MOB1B: variants seen among roughly 807,000 people sequenced by gnomAD.
The protein encoded by MOB1B is MOB kinase activator 1B, also known as MOB1 Mps One Binder homolog B.
In MOB1B, 19 loss-of-function variants were observed where a neutral mutation model predicts 24.4. That is an observed-to-expected ratio of 0.78 (90% CI 0.54 to 1.14). The LOEUF (loss-of-function observed/expected upper bound fraction) is 1.14. Among genes scored for constraint, MOB1B ranks in the 50% most tolerant of loss-of-function variants. The pLI is 0.00. For missense variants in MOB1B, 243 were observed against 259.6 expected, an observed-to-expected ratio of 0.94 and a Z score of 0.44; for synonymous variants, 76 against 82.1, an observed-to-expected ratio of 0.93 and a Z score of 0.40.
intron 1 of MOB1B, among the ~76,000 whole-genome samples, chr4:70,957,910 CTTAAAAACTA>C (rs1454102007): frequency 6.6e-6 from 1 of 151,868 alleles, no homozygotes; most frequent in African/African-American, 2.4e-5. Flanking sequence ...GCCCAGCTCT[CTTAAAAACTA>C]TTAAAACCAC....
chr4:70,948,512 T>C (rs1485352344), intron 1 of MOB1B, among the ~76,000 whole-genome samples: 10 of 152,232 alleles, frequency 6.6e-5, no homozygotes, highest in Admixed American at 2.6e-4. Flanking sequence ...GAACTTCAGC[T>C]TCTCCATCCT....
chr4:70,917,137 C>T (rs566093225), intron 1 of MOB1B, among the ~76,000 whole-genome samples: 1 of 152,278 alleles, frequency 6.6e-6, no homozygotes, highest in Admixed American at 6.5e-5. Context: ...GGCCTCCTGG[C>T]AGTGTTCTCT....
At chr4:70,918,091 C>T (rs193296972) in intron 1 of MOB1B, among the ~76,000 whole-genome samples, 1 of 152,234 alleles carries the variant, frequency 6.6e-6, no homozygotes, top group African/African-American at 2.4e-5. Context: ...GAAGATTGAA[C>T]ATAATTTTGG....
At chr4:70,939,009 A>G (rs1737216178) in intron 1 of MOB1B, among the ~76,000 whole-genome samples, 1 of 152,176 alleles carries the variant, frequency 6.6e-6, no homozygotes, top group African/African-American at 2.4e-5. Context: ...ATTTGGATTC[A>G]TCTGTTTTCT....
chr4:70,957,473 G>A (rs1578387356), intron 1 of MOB1B, among the ~76,000 whole-genome samples: 1 of 147,980 alleles, frequency 6.8e-6, no homozygotes. Context: ...TCATTCTGTT[G>A]CCCAGGCTGG....
chr4:70,946,053 A>C (rs1007728385), intron 1 of MOB1B, among the ~76,000 whole-genome samples: 2 of 150,504 alleles, frequency 1.3e-5, no homozygotes, highest in Non-Finnish European at 3.0e-5. Context: ...TTTGCAGGCA[A>C]ATGCTTTGGC....
At chr4:70,974,430 A>G (rs1352646770) in intron 3 of MOB1B, among the ~76,000 whole-genome samples, 2 of 151,968 alleles carry the variant, frequency 1.3e-5, no homozygotes, top group Non-Finnish European at 2.9e-5. Context: ...CACTGTTTTT[A>G]CATCTTCACT....
Position 70,975,302 on chromosome 4 carries a change from G to GT in MOB1B, c.409+17dup, listed in dbSNP as rs1175572908. 6.8e-6 allele frequency: 11 copies of GT among 1,608,416 alleles called. No individual in the cohort carries two copies. In the Admixed American group the frequency reaches 1.5e-4, roughly 22 times the overall value. ...TCAAAAATTGGTATAATTAATTTTTGTAAGGGGGATCCATCATGATTTATC... is the reference window on the plus strand; with the variant it reads ...TCAAAAATTGGTATAATTAATTTTTGTTAAGGGGGATCCATCATGATTTATC... On this transcript the variant is annotated intron_variant, in intron 4 of 5. Transcript: ENST00000309395.
Position 70,928,528 on chromosome 4 carries a change from C to A in MOB1B, c.14+25978C>A, listed in dbSNP as rs184116110. 4.6e-5 allele frequency among the ~76,000 whole-genome samples: 7 copies of A among 152,100 alleles called. No individual in the cohort carries two copies. The East Asian group carries it at 1.4e-3, about 29-fold the overall frequency. ...TTCAGGCTGGTCTCGAACTCTTGAC[C>A]TCGTGATCCACCGCCTCAGCCTCCC... On this transcript the variant is annotated intron_variant, in intron 1 of 5. Transcript: ENST00000309395.
At chr4:70,970,199 C>T (rs911418458) in intron 3 of MOB1B, among the ~76,000 whole-genome samples, 175 bp downstream of exon 3, 1 of 152,014 alleles carries the variant, frequency 6.6e-6, no homozygotes, top group African/African-American at 2.4e-5. Flanking sequence ...CTTGCCTTTC[C>T]TCTGTTTGCT....
intron 1 of MOB1B, among the ~76,000 whole-genome samples, chr4:70,919,123 A>G (rs1478933298): frequency 9.5e-5 from 14 of 147,060 alleles, no homozygotes; most frequent in African/African-American, 1.8e-4. Context: ...ACACATGGAC[A>G]CAGGAAGGGG....
Position 70,918,881 on chromosome 4 carries a change from A to G in MOB1B, c.14+16331A>G, listed in dbSNP as rs1736305581. On this transcript the variant is annotated intron_variant, in intron 1 of 5. Transcript: ENST00000309395. ...GCACACGTATGTTTATTGCGGCACT[A>G]TTCACAATAGCAAAGACTTGGAACC... Among the ~76,000 whole-genome samples, 3 of 152,326 alleles carry G rather than the reference A, an allele frequency of 2.0e-5. No individual in the cohort carries two copies. The South Asian group carries it at 6.2e-4, about 32-fold the overall frequency.
intron 1 of MOB1B, among the ~76,000 whole-genome samples, chr4:70,942,116 C>T (rs1737371713): frequency 6.6e-6 from 1 of 152,062 alleles, no homozygotes; most frequent in South Asian, 2.1e-4. Context: ...TTAAAATTGA[C>T]CTCCAAACCA....
chr4:70,929,001 A>G (rs1355654824), intron 1 of MOB1B, among the ~76,000 whole-genome samples: 4 of 152,126 alleles, frequency 2.6e-5, no homozygotes, highest in Non-Finnish European at 4.4e-5. Flanking sequence ...TGTTCCCTCT[A>G]CCAGGGAATG....
intron 1 of MOB1B, among the ~76,000 whole-genome samples, chr4:70,954,751 G>A (rs1737968417): frequency 7.1e-6 from 1 of 140,472 alleles, no homozygotes; most frequent in African/African-American, 2.7e-5. Flanking sequence ...ACTGTGCCTG[G>A]CCGATTTTCT....
At chr4:70,926,264 ATTT>A (rs750881520) in intron 1 of MOB1B, among the ~76,000 whole-genome samples, 1 of 135,714 alleles carries the variant, frequency 7.4e-6, no homozygotes, top group Admixed American at 7.3e-5. Flanking sequence ...GATTACAGCC[ATTT>A]TTTTTTTTTT....
intron 3 of MOB1B, among the ~76,000 whole-genome samples, chr4:70,974,661 G>A (rs1738902292): frequency 6.6e-6 from 1 of 152,090 alleles, no homozygotes; most frequent in Non-Finnish European, 1.5e-5. Flanking sequence ...TCAGTTAAAT[G>A]TACTCAAATA....
chr4:70,928,832 C>A (rs1227826794), intron 1 of MOB1B, among the ~76,000 whole-genome samples: 3 of 152,210 alleles, frequency 2.0e-5, no homozygotes, highest in Non-Finnish European at 4.4e-5. Flanking sequence ...AAGTGATCCT[C>A]CCACCTTGGC....
At chr4:70,923,261 G>A (rs1239757256) in intron 1 of MOB1B, among the ~76,000 whole-genome samples, 2 of 152,280 alleles carry the variant, frequency 1.3e-5, no homozygotes, top group South Asian at 2.1e-4. Flanking sequence ...CTCTGCAAGA[G>A]CATCCTCTTT....
Sources: gnomAD v4.1 joint callset for allele counts (sites outside exome capture counted in the v4.1 genomes callset) on GRCh38, gnomAD v4.1.1 for gene constraint, MANE v1.5 for transcripts, NCBI Gene and HGNC (gene_info 2026-07-23, HGNC 2026-07-21) for gene names.